Variants in MATN2 observed in about 807,000 individuals in gnomAD.
MATN2 encodes matrilin 2, also known as matrilin-2.
Under a neutral mutation model 103.2 loss-of-function variants are expected in MATN2, and 69 were observed. That is an observed-to-expected ratio of 0.67 (90% CI 0.55 to 0.82). The LOEUF (loss-of-function observed/expected upper bound fraction) is 0.82, where lower values mean the gene tolerates loss of function less well. Ranked by LOEUF, MATN2 falls within the 40% of genes least tolerant of loss-of-function variation. MATN2 has a pLI of 0.00. For missense variants in MATN2, 1,023 were observed against 1,211.5 expected (o/e 0.84, Z 2.31); for synonymous variants, 429 against 450.2 (o/e 0.95, Z 0.60).
At chr8:97,988,517 T>A in intron 6 of MATN2, among the ~76,000 whole-genome samples, 1 of 151,858 alleles carries the variant, frequency 6.6e-6, no homozygotes, top group East Asian at 1.9e-4. Flanking sequence ...TCCCAGCTAC[T>A]CGAAAGGCTG....
intron 6 of MATN2, among the ~76,000 whole-genome samples, chr8:97,980,103 T>C (rs963835003): frequency 1.3e-5 from 2 of 152,040 alleles, no homozygotes; most frequent in Non-Finnish European, 2.9e-5. Context: ...GGCTGAGTCT[T>C]GGAGGTGGAG....
At chr8:97,955,270 CAGG>C (rs1811106861) in intron 4 of MATN2, among the ~76,000 whole-genome samples, 1 of 152,126 alleles carries the variant, frequency 6.6e-6, no homozygotes, top group Non-Finnish European at 1.5e-5. Flanking sequence ...ACTCTGGCTA[CAGG>C]AGGATGCTAG....
At chr8:98,029,081 C>A (rs1346750353) in intron 14 of MATN2, among the ~76,000 whole-genome samples, 1 of 152,182 alleles carries the variant, frequency 6.6e-6, no homozygotes, top group South Asian at 2.1e-4. Flanking sequence ...TACTGGCAGT[C>A]CCATTGGTGA....
chr8:98,012,335 G>A (rs1382942362), intron 10 of MATN2, among the ~76,000 whole-genome samples: 1 of 152,180 alleles, frequency 6.6e-6, no homozygotes, highest in Admixed American at 6.5e-5. Flanking sequence ...GAGTGGTGAT[G>A]TGAGAAGGAT....
chr8:97,937,256 G>A (rs1425378998), intron 3 of MATN2, among the ~76,000 whole-genome samples: 1 of 152,020 alleles, frequency 6.6e-6, no homozygotes, highest in Non-Finnish European at 1.5e-5. Context: ...GAGAAGGAAG[G>A]GCAGTTTCTA....
At chr8:98,000,878 A>G (rs1812761529) in intron 7 of MATN2, among the ~76,000 whole-genome samples, 1 of 152,224 alleles carries the variant, frequency 6.6e-6, no homozygotes, top group South Asian at 2.1e-4. Flanking sequence ...AACCATTGTG[A>G]TGAATGCTAC....
intron 13 of MATN2, among the ~76,000 whole-genome samples, chr8:98,026,566 T>C (rs1234627208): frequency 6.6e-6 from 1 of 152,192 alleles, no homozygotes; most frequent in Middle Eastern, 3.2e-3. Flanking sequence ...CTAATTATTT[T>C]GTAAGCTTTA....
chr8:97,870,968 C>T (rs1817876220), intron 1 of MATN2, among the ~76,000 whole-genome samples: 1 of 152,172 alleles, frequency 6.6e-6, no homozygotes, highest in African/African-American at 2.4e-5. Context: ...CTCAGGCCCC[C>T]GAGTTACCAG....
chr8:97,968,698 GC>G (rs1811561060), intron 5 of MATN2, among the ~76,000 whole-genome samples: 1 of 152,116 alleles, frequency 6.6e-6, no homozygotes, highest in African/African-American at 2.4e-5. Flanking sequence ...CATCAGCCTG[GC>G]CTTTACTGTC....
intron 17 of MATN2, among the ~76,000 whole-genome samples, 158 bp from the exon 18 acceptor site, chr8:98,033,403 T>C (rs1418473053): frequency 6.6e-6 from 1 of 152,250 alleles, no homozygotes; most frequent in Admixed American, 6.5e-5. Flanking sequence ...TGGAAGCATA[T>C]ACAGTGCTTT....
chr8:97,949,089 G>C (rs1810851638), intron 4 of MATN2, among the ~76,000 whole-genome samples: 1 of 151,750 alleles, frequency 6.6e-6, no homozygotes, highest in Admixed American at 6.6e-5. Flanking sequence ...AACCATGGAA[G>C]ACATATGGGT....
chr8:97,882,948 C>A (rs1818300495), intron 1 of MATN2, among the ~76,000 whole-genome samples: 1 of 152,034 alleles, frequency 6.6e-6, no homozygotes, highest in African/African-American at 2.4e-5. Flanking sequence ...GGTGATGTGA[C>A]TATTCAAATC....
chr8:97,990,179 C>CAAAAAAAA (rs34924183), intron 6 of MATN2, among the ~76,000 whole-genome samples: 5 of 45,788 alleles, frequency 1.1e-4, no homozygotes, highest in African/African-American at 3.3e-4. Flanking sequence ...AAGACTCTGT[C>CAAAAAAAA]AAAAAAAAAA....
intron 1 of MATN2, among the ~76,000 whole-genome samples, chr8:97,877,651 C>T (rs758667464): frequency 4.3e-4 from 65 of 151,944 alleles, no homozygotes; most frequent in Non-Finnish European, 7.4e-4. Context: ...TGACTACCTA[C>T]CCATATCTCA....
chr8:97,977,641 A>T (rs1487793394), intron 5 of MATN2, among the ~76,000 whole-genome samples: 1 of 152,062 alleles, frequency 6.6e-6, no homozygotes, highest in East Asian at 1.9e-4. Context: ...TTCTTGACTC[A>T]TGGGTCCAGA....
intron 2 of MATN2, among the ~76,000 whole-genome samples, chr8:97,909,982 ACCGTGTTAG>A (rs951932612): frequency 5.3e-5 from 8 of 150,396 alleles, no homozygotes; most frequent in Non-Finnish European, 1.2e-4. Flanking sequence ...ACGGGGTTTC[ACCGTGTTAG>A]CCAGGACGGT....
chr8:97,980,416 G>A (rs1004883252), intron 6 of MATN2, among the ~76,000 whole-genome samples: 8 of 152,266 alleles, frequency 5.3e-5, no homozygotes, highest in African/African-American at 1.9e-4. Flanking sequence ...AGGAGGCCGT[G>A]GGCTGCCAGC....
chr8:97,960,348 T>TG (rs1811268383), intron 4 of MATN2, among the ~76,000 whole-genome samples: 1 of 152,306 alleles, frequency 6.6e-6, no homozygotes, highest in African/African-American at 2.4e-5. Flanking sequence ...GCAAAATCAA[T>TG]GGTACAGCTA....
chr8:97,939,610 A>G (rs1438718941), intron 3 of MATN2, among the ~76,000 whole-genome samples: 1 of 152,192 alleles, frequency 6.6e-6, no homozygotes, highest in Non-Finnish European at 1.5e-5. Flanking sequence ...TGACTGTGCC[A>G]CTGTACTCCA....
Sources: gnomAD v4.1 joint callset for allele counts (sites outside exome capture counted in the v4.1 genomes callset) on GRCh38, gnomAD v4.1.1 for gene constraint, MANE v1.5 for transcripts, NCBI Gene and HGNC (gene_info 2026-07-23, HGNC 2026-07-21) for gene names.